Variants in TP53I13 observed in about 807,000 individuals in gnomAD.
TP53I13 encodes the protein tumor protein p53-inducible protein 13.
A neutral mutation model predicts 39.1 loss-of-function variants in TP53I13; 27 were observed. The observed-to-expected ratio is 0.69, with a 90% CI of 0.51 to 0.95. The LOEUF (loss-of-function observed/expected upper bound fraction) is 0.95, where lower values mean the gene tolerates loss of function less well. Among genes scored for constraint, TP53I13 ranks in the 40% least tolerant of loss-of-function variants. The pLI is 0.00. For missense variants in TP53I13, 544 were observed against 520.4 expected, an observed-to-expected ratio of 1.05 and a Z score of -0.44; for synonymous variants, 230 against 224.6, an observed-to-expected ratio of 1.02 and a Z score of -0.22.
At chr17:29,578,443 G>T in the TP53I13 span, 1 of 1,405,744 alleles carries the variant, frequency 7.1e-7, no homozygotes, top group Non-Finnish European at 1.0e-6. Flanking sequence ...TCCCCAGCAT[G>T]TTGTGAGCCT....
At chr17:29,581,273 C>T in the TP53I13 span, 1 of 1,249,800 alleles carries the variant, frequency 8.0e-7, no homozygotes, top group Non-Finnish European at 1.2e-6. This position sits in a 1 kb window ranked among gnomAD's most constrained non-coding sequence, Gnocchi z 4.8. Flanking sequence ...GCTGGGAGCT[C>T]TGGGGGTCAG....
Position 29,569,324 on chromosome 17 carries a change from C to G in TP53I13, c.148C>G (p.Pro50Ala), listed in dbSNP as rs112563021. 7.3e-3 allele frequency: 11,780 copies of G among 1,613,792 alleles called. 56 individuals are homozygous for G. Among genetic ancestry groups the G allele is most frequent in the Non-Finnish European group, 8.7e-3 (10,218 of 1,179,866 alleles). The change falls in exon 3 of 7, where the codon CCA (proline) becomes GCA (alanine). Residue 50 changes from proline to alanine, a missense_variant. Pro to Ala is a conservative substitution (Grantham distance 27). Coordinates refer to ENST00000301057, the MANE Select transcript of TP53I13 (RefSeq NM_138349.4). ...GTTCTTTCCCCATGTATAGGTGTCA[C>G]CAAGAGTGACCTACACACGAGTGAG... ...SLWPLPPQVS[P>A]RVTYTRVSPG...
downstream of TP53I13, chr17:29,577,306 G>T: frequency 7.8e-7 from 1 of 1,274,750 alleles, no homozygotes. Flanking sequence ...GACGCAGGAC[G>T]GCAGGGACCA....
the TP53I13 span, chr17:29,581,410 C>A: frequency 6.3e-7 from 1 of 1,585,942 alleles, no homozygotes; most frequent in Non-Finnish European, 8.7e-7. The surrounding 1 kb of genome is among the most constrained non-coding windows in gnomAD (Gnocchi z 4.8). Context: ...CCAAGTCACT[C>A]ACTAGTGCTG....
the TP53I13 span, chr17:29,581,097 C>T: frequency 3.5e-6 from 2 of 567,878 alleles, no homozygotes; most frequent in Non-Finnish European, 6.3e-6. This position sits in a 1 kb window ranked among gnomAD's most constrained non-coding sequence, Gnocchi z 4.8. Context: ...GCTTCTCACA[C>T]CCAAGCCCTC....
At chr17:29,577,583 G>A (rs1294178704), downstream of TP53I13, 49 of 1,083,012 alleles carry the variant, frequency 4.5e-5, no homozygotes, top group Admixed American at 5.9e-4. Context: ...GCCCACTGCC[G>A]GATGAGGAGG....
In TP53I13 at chr17:29,571,592, CTGAGGA is replaced by C. The variant is rs762093090; in HGVS notation, c.188_193del (p.Glu63_Asp64del). On this transcript the variant is annotated inframe_deletion and splice_region_variant, in exon 4 of 7. Coordinates refer to ENST00000301057, the MANE Select transcript of TP53I13 (RefSeq NM_138349.4). ...GATGTCTCTGTGCCTTTCCTCCAGG[CTGAGGA>C]TGTCACCTTCCTCTACCACCCCTGT... 8.1e-6 allele frequency: 13 copies of C among 1,613,658 alleles called. No individual in the cohort carries two copies. In the East Asian group the frequency reaches 2.9e-4, roughly 36 times the overall value.
chr17:29,574,983 T>C, downstream of TP53I13: 1 of 1,487,918 alleles, frequency 6.7e-7, no homozygotes, highest in Non-Finnish European at 9.2e-7. Flanking sequence ...GCCCAGTTTG[T>C]CTGTGTCTCC....
intron 3 of TP53I13, chr17:29,571,126 C>G (rs1444034094): frequency 5.8e-6 from 1 of 172,808 alleles, no homozygotes; most frequent in Non-Finnish European, 1.2e-5. Context: ...ACCAAGTCAA[C>G]TCAATCAAAG....
Position 29,572,846 on chromosome 17 carries a change from C to T in TP53I13, c.1104C>T (p.Arg368=), listed in dbSNP as rs899373725. The T allele has an allele frequency of 2.6e-6, 4 of 1,526,072 alleles. No homozygotes were observed. The highest frequency in any genetic ancestry group is 2.8e-5 in the African/African-American group (2 of 71,282). The allele number at this position is 1,526,072 out of a possible 1,614,324, so 94.5% of individuals were successfully genotyped here. The change falls in exon 7 of 7, where the codon CGC becomes CGT. Residue 368 remains arginine (R), a synonymous_variant. Transcript: ENST00000301057. The stretch of plus-strand genomic sequence containing the variant: ...AGCGGAGGCTGCTGCAGCCCTCGCG[C>T]CGGGTCAAGCGCTCGCGCCGGAGAC... ...VLKRRLLQPS[R]RVKRSRRRPL... is the part of the protein sequence containing the mutation.
downstream of TP53I13, chr17:29,577,306 G>A (rs532735539): frequency 1.4e-5 from 18 of 1,274,742 alleles, no homozygotes; most frequent in East Asian, 9.3e-5. Context: ...GACGCAGGAC[G>A]GCAGGGACCA....
chr17:29,569,451 C>G (rs1173812326), intron 3 of TP53I13, 92 bp downstream of exon 3: 1 of 1,234,814 alleles, frequency 8.1e-7, no homozygotes, highest in Non-Finnish European at 1.2e-6. Flanking sequence ...CTGATCGGCC[C>G]CATTCCTTAC....
chr17:29,581,404 G>A, the TP53I13 span: 1 of 1,599,468 alleles, frequency 6.3e-7, no homozygotes, highest in South Asian at 1.1e-5. This position sits in a 1 kb window ranked among gnomAD's most constrained non-coding sequence, Gnocchi z 4.8. Context: ...AAAATGCCAA[G>A]TCACTCACTA....
chr17:29,578,609 A>G, the TP53I13 span: 9 of 952,940 alleles, frequency 9.4e-6, no homozygotes, highest in African/African-American at 1.1e-4. Context: ...GAGGCCAGTG[A>G]GGGGACAGGT....
chr17:29,578,933 G>A, the TP53I13 span: 1 of 1,611,346 alleles, frequency 6.2e-7, no homozygotes, highest in Non-Finnish European at 8.5e-7. Flanking sequence ...CCCACCTTCA[G>A]GCCTGCTGCC....
In TP53I13 at chr17:29,568,955, G is replaced by T; in HGVS notation, c.73-63G>T. 6.3e-7 allele frequency: 1 copy of T among 1,592,230 alleles called. No homozygotes were observed. The stretch of plus-strand genomic sequence containing the variant: ...GTTCTTCCGCTGGCGGGCTGGGCCT[G>T]GGGAGAGAGAGGGCAGGGCCTCGCC... On this transcript the variant is annotated intron_variant, in intron 1 of 6. Transcript: ENST00000301057. This position sits in a 1 kb window ranked among gnomAD's most constrained non-coding sequence, Gnocchi z 4.5.
At chr17:29,569,223 T>A in intron 2 of TP53I13, 95 bp from the exon 3 acceptor site, 2 of 1,510,542 alleles carry the variant, frequency 1.3e-6, no homozygotes, top group Non-Finnish European at 1.8e-6. Context: ...AACTTCTCCA[T>A]CCCAGCCTGG....
rs1420302249 is a variant in TP53I13 at position 29,572,970 on chromosome 17, C to T, written c.*46C>T. The T allele has an allele frequency of 7.4e-7, 1 of 1,348,864 alleles. No individual in the cohort carries two copies. Among genetic ancestry groups the T allele is most frequent in the Admixed American group, 3.9e-5 (1 of 25,972 alleles). The allele number at this position is 1,348,864 out of a possible 1,614,324, so 83.6% of individuals were successfully genotyped here. On this transcript the variant is annotated 3_prime_UTR_variant, in exon 7 of 7. Coordinates refer to ENST00000301057, the MANE Select transcript of TP53I13 (RefSeq NM_138349.4). ...TGGCGTGCGGCTCCTCCCCGCGCCG[C>T]GAGGCCGCGACCTCTGCCACGTGGA...
At chr17:29,575,948 C>G (rs769487663), downstream of TP53I13, 3 of 1,552,716 alleles carry the variant, frequency 1.9e-6, no homozygotes, top group African/African-American at 4.1e-5. The surrounding 1 kb of genome is among the most constrained non-coding windows in gnomAD (Gnocchi z 5.5). Context: ...CACTGCCCCC[C>G]TGCTCACCAG....
Sources: allele counts gnomAD v4.1 joint callset, GRCh38; gene constraint gnomAD v4.1.1; non-coding constraint Gnocchi (gnomAD v3.1); transcripts MANE v1.5; gene names NCBI Gene and HGNC (gene_info 2026-07-23, HGNC 2026-07-21).